The following PDXDC1 variants were observed in gnomAD, a reference collection of about 807,000 sequenced individuals.
The protein encoded by PDXDC1 is pyridoxal-dependent decarboxylase domain-containing protein 1.
PDXDC1 carries 42 observed loss-of-function variants against 100.1 expected under a neutral mutation model. That is an observed-to-expected ratio of 0.42 (90% CI 0.33 to 0.54). PDXDC1 has a LOEUF of 0.54. Among genes scored for constraint, PDXDC1 ranks in the 20% least tolerant of loss-of-function variants. The pLI is 0.10. For synonymous variants in PDXDC1, 260 were observed against 371.7 expected, an observed-to-expected ratio of 0.70 and a Z score of 3.46; for missense variants, 636 against 979.2, an observed-to-expected ratio of 0.65 and a Z score of 4.68.
intron 16 of PDXDC1, among the ~76,000 whole-genome samples, chr16:15,081,367 T>C (rs1367855142): frequency 1.3e-5 from 2 of 152,246 alleles, no homozygotes; most frequent in African/African-American, 4.8e-5. Flanking sequence ...CATTTCTCCA[T>C]ATCCTTGTGA....
At chr16:14,985,983 C>T (rs1170476840) in intron 1 of PDXDC1, among the ~76,000 whole-genome samples, 1 of 152,246 alleles carries the variant, frequency 6.6e-6, no homozygotes, top group East Asian at 1.9e-4. Flanking sequence ...TGCCTGTAGC[C>T]ATGTCTGCTC....
the PDXDC1 span, among the ~76,000 whole-genome samples, chr16:15,148,232 C>T: frequency 6.6e-6 from 1 of 151,914 alleles, no homozygotes. Flanking sequence ...GCTGGGATTA[C>T]AGGCGTGAGG....
At chr16:15,055,494 G>A (rs772107679) in intron 16 of PDXDC1, among the ~76,000 whole-genome samples, 204 of 152,342 alleles carry the variant, frequency 1.3e-3, no homozygotes, top group Non-Finnish European at 1.6e-3. Flanking sequence ...ACGCAAGGAC[G>A]AAGCAACGTT....
At chr16:15,128,194 G>C (rs765744299) in intron 16 of PDXDC1, 2 of 1,610,602 alleles carry the variant, frequency 1.2e-6, no homozygotes, top group East Asian at 2.2e-5. Flanking sequence ...GGGGCAGAGG[G>C]GCAGAGCTTG....
chr16:15,070,983 A>C, intron 16 of PDXDC1: 2 of 636,978 alleles, frequency 3.1e-6, no homozygotes, highest in Non-Finnish European at 5.3e-6. Flanking sequence ...TAGAAATATA[A>C]ACATCTTGCA....
chr16:15,074,707 A>T lies in PDXDC1; in HGVS notation c.1399+44651A>T, dbSNP rs747498773. 26 of 1,604,112 alleles carry T rather than the reference A, an allele frequency of 1.6e-5. 1 individual carries two copies. The South Asian group carries it at 2.8e-4, about 17-fold the overall frequency. ...ACACTGCAGGTGTTCAATAAACAGT[A>T]GCTACTGTGATTTACCATCTACATA... is the stretch of plus-strand genomic sequence containing the variant. On this transcript the variant is annotated intron_variant, in intron 16 of 16. Coordinates refer to the PDXDC1 transcript ENST00000535621.
At chr16:15,035,685 A>G in intron 22 of PDXDC1, 132 bp downstream of exon 22, 3 of 602,596 alleles carry the variant, frequency 5.0e-6, no homozygotes, top group Admixed American at 3.3e-5. Flanking sequence ...CTCTTTAACC[A>G]TCTTGGTAGC....
In PDXDC1 at chr16:15,128,257, C is replaced by T. The variant is rs565890123; in HGVS notation, c.1400-10622C>T. 5.6e-6 allele frequency: 9 copies of T among 1,611,188 alleles called. No homozygotes were observed. In the African/African-American group the frequency reaches 6.7e-5, roughly 12 times the overall value. On this transcript the variant is annotated intron_variant, in intron 16 of 16. Coordinates refer to the PDXDC1 transcript ENST00000535621. ...CCACACTCGGATCTTCCACACGCTA[C>T]CCAGGCTGTGCGGGGTGGCGATCCG...
Position 15,102,377 on chromosome 16 carries a change from C to A in PDXDC1, c.1400-36502C>A, listed in dbSNP as rs2046586370. 2.6e-5 allele frequency among the ~76,000 whole-genome samples: 4 copies of A among 152,158 alleles called. No individual in the cohort carries two copies. The South Asian group carries it at 8.3e-4, about 32-fold the overall frequency. On this transcript the variant is annotated intron_variant, in intron 16 of 16. Transcript: ENST00000535621. Reference sequence around the variant, plus strand: ...GTGTAGCCTGGTGAGGCCTGGATGACCTCCGGAGGCAGGGGCTTGTGCCTG... The same window carrying A: ...GTGTAGCCTGGTGAGGCCTGGATGAACTCCGGAGGCAGGGGCTTGTGCCTG...
At chr16:15,080,402 A>G (rs973995734) in intron 16 of PDXDC1, among the ~76,000 whole-genome samples, 1 of 152,204 alleles carries the variant, frequency 6.6e-6, no homozygotes. Flanking sequence ...TAATATATTC[A>G]GTTATGAGAC....
Position 15,036,188 on chromosome 16 carries a change from CACCGACCAG to C in PDXDC1, c.2286_2294del (p.Asp762_Thr764del). On this transcript the variant is annotated inframe_deletion, in exon 23 of 23. Transcript: ENST00000396410. Reference sequence around the variant, plus strand: ...ACCCAGGGGCTCCCAGCCCTCAGCACACCGACCAGACCGAGGCCTTCCAGAAAGGGGTCC... The same window carrying C: ...ACCCAGGGGCTCCCAGCCCTCAGCACACCGAGGCCTTCCAGAAAGGGGTCC... The C allele has an allele frequency of 6.2e-7, 1 of 1,614,144 alleles. No homozygotes were observed.
At chr16:15,033,043 G>C in intron 18 of PDXDC1, 64 bp downstream of exon 18, 1 of 1,118,024 alleles carries the variant, frequency 8.9e-7, no homozygotes, top group African/African-American at 1.5e-5. Context: ...CGGCTTTGAA[G>C]ACGACGGCTC....
At chr16:15,092,803 T>C (rs2046188720) in intron 16 of PDXDC1, among the ~76,000 whole-genome samples, 1 of 152,176 alleles carries the variant, frequency 6.6e-6, no homozygotes, top group Non-Finnish European at 1.5e-5. Flanking sequence ...CCACTGCACT[T>C]ACAGTAAAAA....
intron 8 of PDXDC1, among the ~76,000 whole-genome samples, chr16:15,015,431 T>C (rs1287413864): frequency 6.6e-6 from 1 of 152,180 alleles, no homozygotes; most frequent in Non-Finnish European, 1.5e-5. Context: ...ATAACAGTTA[T>C]ACCTGCTGGG....
At chr16:15,048,088 T>A (rs754647384) in intron 16 of PDXDC1, 14 of 1,598,576 alleles carry the variant, frequency 8.8e-6, no homozygotes, top group Admixed American at 1.7e-5. Flanking sequence ...CTCTGAGAAG[T>A]CTGGCTCTTT....
chr16:14,984,390 G>T (rs1968757828), intron 1 of PDXDC1, among the ~76,000 whole-genome samples: 1 of 100,368 alleles, frequency 1.0e-5, no homozygotes, highest in African/African-American at 3.4e-5. Flanking sequence ...TTTGAGGTGT[G>T]TGTTTGTGTG....
intron 16 of PDXDC1, among the ~76,000 whole-genome samples, chr16:15,072,347 G>A (rs1373714808): frequency 6.6e-6 from 1 of 152,026 alleles, no homozygotes; most frequent in African/African-American, 2.4e-5. Flanking sequence ...CTCAACCCTT[G>A]GAAAGAATAA....
At chr16:15,074,891 T>TA in intron 16 of PDXDC1, 1 of 1,584,514 alleles carries the variant, frequency 6.3e-7, no homozygotes, top group Non-Finnish European at 8.6e-7. Context: ...ATACTAACAT[T>TA]AAAAAATTCA....
intron 16 of PDXDC1, among the ~76,000 whole-genome samples, chr16:15,111,292 G>A (rs1392114070): frequency 6.9e-6 from 1 of 145,964 alleles, no homozygotes; most frequent in African/African-American, 2.5e-5. Flanking sequence ...CGCTGTCTCT[G>A]CTAAAAATAC....
Sources: allele counts gnomAD v4.1 joint callset (sites outside exome capture counted in the v4.1 genomes callset), GRCh38; gene constraint gnomAD v4.1.1; transcripts MANE v1.5; gene names NCBI Gene and HGNC (gene_info 2026-07-23, HGNC 2026-07-21).